The following SOX5 variants were observed in gnomAD, a reference collection of about 807,000 sequenced individuals.
The protein encoded by SOX5 is SRY-box transcription factor 5.
Under a neutral mutation model 92.0 loss-of-function variants are expected in SOX5, and 9 were observed. The observed-to-expected ratio is 0.10, with a 90% confidence interval of 0.06 to 0.17. The LOEUF (loss-of-function observed/expected upper bound fraction) is 0.17, where lower values mean the gene tolerates loss of function less well. SOX5 is among the 10% of genes least tolerant of loss of function. The pLI, the probability that SOX5 is intolerant of heterozygous loss-of-function variation, is 1.00. For missense variants in SOX5, 642 were observed against 944.5 expected, an observed-to-expected ratio of 0.68 and a Z score of 4.20; for synonymous variants, 344 against 336.3, an observed-to-expected ratio of 1.02 and a Z score of -0.25.
chr12:24,094,214 TG>T (rs1475874215), intron 4 of SOX5, among the ~76,000 whole-genome samples: 3 of 152,214 alleles, frequency 2.0e-5, no homozygotes, highest in African/African-American at 7.2e-5. Context: ...ACCAAACTGC[TG>T]GGATTACAGG....
chr12:23,776,296 T>G (rs1594307007), intron 3 of SOX5, among the ~76,000 whole-genome samples: 1 of 152,232 alleles, frequency 6.6e-6, no homozygotes, highest in East Asian at 1.9e-4. Context: ...CACTGTCTTA[T>G]ATTGCTATAG....
intron 1 of SOX5, among the ~76,000 whole-genome samples, chr12:24,503,029 C>A (rs1196067519): frequency 6.6e-6 from 1 of 152,140 alleles, no homozygotes; most frequent in Non-Finnish European, 1.5e-5. Flanking sequence ...CAGCTAAATG[C>A]ACTGTGGGAT....
At chr12:24,003,687 T>C (rs1951849655) in intron 4 of SOX5, among the ~76,000 whole-genome samples, 1 of 151,592 alleles carries the variant, frequency 6.6e-6, no homozygotes, top group Non-Finnish European at 1.5e-5. Context: ...GTTCATAGAC[T>C]GTAAAACTCA....
At chr12:24,014,294 A>G (rs1953314554) in intron 4 of SOX5, among the ~76,000 whole-genome samples, 1 of 152,128 alleles carries the variant, frequency 6.6e-6, no homozygotes, top group African/African-American at 2.4e-5. Context: ...TTCCTGGATA[A>G]CTACTCATTA....
chr12:24,526,082 G>T (rs887986645), intron 1 of SOX5, among the ~76,000 whole-genome samples: 3 of 152,054 alleles, frequency 2.0e-5, no homozygotes, highest in Non-Finnish European at 4.4e-5. Context: ...TGTTACCCAG[G>T]CCGGTCTCAT....
chr12:24,377,592 A>C (rs1487442779), intron 1 of SOX5, among the ~76,000 whole-genome samples: 1 of 152,232 alleles, frequency 6.6e-6, no homozygotes, highest in Non-Finnish European at 1.5e-5. Flanking sequence ...GAGTTGACTT[A>C]GGGTAGTGGC....
intron 3 of SOX5, among the ~76,000 whole-genome samples, chr12:23,810,391 G>T (rs181446650): frequency 1.3e-5 from 2 of 152,256 alleles, no homozygotes; most frequent in Non-Finnish European, 1.5e-5. Flanking sequence ...TGTTACTCTA[G>T]TGCATTCAGA....
intron 2 of SOX5, among the ~76,000 whole-genome samples, chr12:24,278,914 T>C (rs1944831424): frequency 6.6e-6 from 1 of 151,362 alleles, no homozygotes; most frequent in Non-Finnish European, 1.5e-5. Context: ...TTGTCTCATC[T>C]GCCCAACTGT....
At chr12:24,143,823 A>T (rs1022098669) in intron 4 of SOX5, among the ~76,000 whole-genome samples, 1 of 151,700 alleles carries the variant, frequency 6.6e-6, no homozygotes, top group Non-Finnish European at 1.5e-5. Context: ...AAAGAAGAAG[A>T]AAGAAAGAGG....
At chr12:24,020,384 C>T (rs769934886) in intron 4 of SOX5, among the ~76,000 whole-genome samples, 5 of 152,150 alleles carry the variant, frequency 3.3e-5, no homozygotes, top group Admixed American at 6.6e-5. Context: ...ACAAAAGAAA[C>T]TCTCCCAGCT....
chr12:23,798,091 T>A (rs984539072), intron 3 of SOX5, among the ~76,000 whole-genome samples: 1 of 152,018 alleles, frequency 6.6e-6, no homozygotes, highest in Non-Finnish European at 1.5e-5. Context: ...TCATTCCCCA[T>A]CTCCTGCTTT....
intron 9 of SOX5, among the ~76,000 whole-genome samples, chr12:23,599,524 C>T (rs1404226900): frequency 6.6e-6 from 1 of 152,242 alleles, no homozygotes; most frequent in Non-Finnish European, 1.5e-5. Flanking sequence ...GGAATTCTCT[C>T]TTGTCATCAG....
At chr12:24,190,646 T>C (rs565498381) in intron 4 of SOX5, among the ~76,000 whole-genome samples, 57 of 152,332 alleles carry the variant, frequency 3.7e-4, no homozygotes, top group Non-Finnish European at 6.0e-4. Flanking sequence ...GGAGCCATTG[T>C]GGGTAGCAAA....
chr12:24,190,643 T>C (rs1442673280), intron 4 of SOX5, among the ~76,000 whole-genome samples: 1 of 152,180 alleles, frequency 6.6e-6, no homozygotes, highest in Non-Finnish European at 1.5e-5. Context: ...TTTGGAGCCA[T>C]TGTGGGTAGC....
At chr12:23,936,892 T>C (rs1166197431) in intron 1 of SOX5, among the ~76,000 whole-genome samples, 1 of 151,066 alleles carries the variant, frequency 6.6e-6, no homozygotes, top group Non-Finnish European at 1.5e-5. Context: ...GCGTATTTTA[T>C]ATTTACAGCA....
At chr12:24,456,551 T>C (rs887595356) in intron 1 of SOX5, among the ~76,000 whole-genome samples, 1 of 152,186 alleles carries the variant, frequency 6.6e-6, no homozygotes, top group Admixed American at 6.5e-5. Flanking sequence ...CATGTTATCT[T>C]ATCTAGCCTT....
intron 4 of SOX5, among the ~76,000 whole-genome samples, chr12:24,179,767 A>G (rs1955261267): frequency 6.6e-6 from 1 of 152,098 alleles, no homozygotes; most frequent in South Asian, 2.1e-4. Context: ...GGTTAGATGT[A>G]TTAAATGCTT....
At chr12:24,254,910 C>T (rs1028772415) in intron 3 of SOX5, among the ~76,000 whole-genome samples, 4 of 151,938 alleles carry the variant, frequency 2.6e-5, no homozygotes, top group African/African-American at 9.7e-5. Context: ...CTGTGTTGGT[C>T]CACCCACTTT....
chr12:24,471,612 G>C (rs149087834), intron 1 of SOX5, among the ~76,000 whole-genome samples: 407 of 152,228 alleles, frequency 2.7e-3, no homozygotes, highest in African/African-American at 9.1e-3. Flanking sequence ...AAATGAGGAT[G>C]GGGGAGGAGC....
Sources: allele counts gnomAD v4.1 joint callset (sites outside exome capture counted in the v4.1 genomes callset), GRCh38; gene constraint gnomAD v4.1.1; transcripts MANE v1.5; gene names NCBI Gene and HGNC (gene_info 2026-07-23, HGNC 2026-07-21).